CENPW: variants seen among roughly 807,000 people sequenced by gnomAD.
The protein encoded by CENPW is centromere protein W, also known as cancer-up-regulated gene 2 protein.
CENPW carries 3 observed loss-of-function variants against 11.1 expected under a neutral mutation model. That is an observed-to-expected ratio of 0.27 (90% confidence interval 0.12 to 0.70). The LOEUF (loss-of-function observed/expected upper bound fraction) is 0.70, where lower values mean the gene tolerates loss of function less well. CENPW is among the 30% of genes least tolerant of loss of function. The probability of loss-of-function intolerance (pLI) is 0.77; values close to 1 mark genes in which losing one functional copy is unlikely to be tolerated. For missense variants in CENPW, 100 were observed against 105.6 expected, an observed-to-expected ratio of 0.95 and a Z score of 0.23; for synonymous variants, 38 against 42.0, an observed-to-expected ratio of 0.91 and a Z score of 0.37.
At chr6:126,439,719 G>A in the CENPW span, among the ~76,000 whole-genome samples, 3 of 151,456 alleles carry the variant, frequency 2.0e-5, no homozygotes, top group Non-Finnish European at 4.4e-5. Context: ...CCTGCTTTAG[G>A]CCAATGAAGC....
At chr6:126,387,009 T>C in the CENPW span, among the ~76,000 whole-genome samples, 4 of 151,996 alleles carry the variant, frequency 2.6e-5, no homozygotes, top group African/African-American at 9.7e-5. Context: ...TATTTTTAAA[T>C]GACTGAGTGA....
chr6:126,351,575 T>A (rs111265533), downstream of CENPW, among the ~76,000 whole-genome samples: 742 of 152,178 alleles, frequency 4.9e-3, 7 homozygotes, highest in Non-Finnish European at 8.3e-3. Context: ...TTAACTGCAT[T>A]TTTTTCTGGA....
the CENPW span, among the ~76,000 whole-genome samples, chr6:126,360,040 G>C: frequency 6.6e-6 from 1 of 152,134 alleles, no homozygotes; most frequent in Non-Finnish European, 1.5e-5. Context: ...ATGTGCTTAA[G>C]TTTGATTTTG....
At chr6:126,483,049 T>G in the CENPW span, among the ~76,000 whole-genome samples, 1 of 151,970 alleles carries the variant, frequency 6.6e-6, no homozygotes, top group Non-Finnish European at 1.5e-5. Flanking sequence ...CTTGCAATGT[T>G]TCTATATATG....
chr6:126,420,766 T>C, the CENPW span, among the ~76,000 whole-genome samples: 2 of 152,134 alleles, frequency 1.3e-5, no homozygotes, highest in African/African-American at 4.8e-5. Context: ...ATTAAGTGGG[T>C]CCTACAAAGG....
the CENPW span, among the ~76,000 whole-genome samples, chr6:126,457,147 A>C: frequency 1.3e-5 from 2 of 151,266 alleles, no homozygotes; most frequent in Admixed American, 1.3e-4. Flanking sequence ...ATCTCCAAAA[A>C]CTGAAAAAAA....
At chr6:126,374,854 G>C in the CENPW span, among the ~76,000 whole-genome samples, 1 of 152,136 alleles carries the variant, frequency 6.6e-6, no homozygotes, top group Non-Finnish European at 1.5e-5. Context: ...AGCATAAACT[G>C]TTCTAATTTT....
At chr6:126,367,285 T>C in the CENPW span, among the ~76,000 whole-genome samples, 1 of 152,090 alleles carries the variant, frequency 6.6e-6, no homozygotes, top group Admixed American at 6.5e-5. Context: ...AGTGTACCTG[T>C]CACCCAGATA....
chr6:126,404,576 G>T, the CENPW span, among the ~76,000 whole-genome samples: 1 of 152,172 alleles, frequency 6.6e-6, no homozygotes, highest in East Asian at 1.9e-4. Context: ...AGTTTTTTGA[G>T]AAACCTCCAT....
the CENPW span, among the ~76,000 whole-genome samples, chr6:126,392,204 C>T: frequency 2.6e-5 from 4 of 151,692 alleles, no homozygotes; most frequent in Admixed American, 2.0e-4. Flanking sequence ...TAAATTAATT[C>T]CTTGGTATTT....
At chr6:126,441,044 T>TGC in the CENPW span, among the ~76,000 whole-genome samples, 1 of 151,478 alleles carries the variant, frequency 6.6e-6, no homozygotes, top group Non-Finnish European at 1.5e-5. Context: ...CAGAATCCTT[T>TGC]GCAGTATGGC....
the CENPW span, among the ~76,000 whole-genome samples, chr6:126,368,866 C>G: frequency 6.6e-6 from 1 of 152,048 alleles, no homozygotes; most frequent in Non-Finnish European, 1.5e-5. Flanking sequence ...AGGATGGTCT[C>G]AATCTCCTGA....
the CENPW span, among the ~76,000 whole-genome samples, chr6:126,473,647 C>T: frequency 5.9e-5 from 9 of 152,000 alleles, no homozygotes; most frequent in East Asian, 1.9e-4. Flanking sequence ...GCAAGAGATT[C>T]GCTTGAGCTT....
chr6:126,383,284 T>A, the CENPW span, among the ~76,000 whole-genome samples: 2 of 152,128 alleles, frequency 1.3e-5, no homozygotes, highest in East Asian at 1.9e-4. Context: ...GTACTAAATA[T>A]GAAAAGAAAA....
chr6:126,457,419 A>G, the CENPW span, among the ~76,000 whole-genome samples: 1 of 151,520 alleles, frequency 6.6e-6, no homozygotes, highest in Non-Finnish European at 1.5e-5. Flanking sequence ...AGCAACATGA[A>G]TGGAACTGGA....
At chr6:126,352,040 A>C (rs533654883), downstream of CENPW, among the ~76,000 whole-genome samples, 20 of 152,200 alleles carry the variant, frequency 1.3e-4, no homozygotes, top group African/African-American at 4.8e-4. Context: ...GGAGCTGAGA[A>C]TCTGTATTTC....
At chr6:126,426,209 A>T in the CENPW span, among the ~76,000 whole-genome samples, 2 of 152,210 alleles carry the variant, frequency 1.3e-5, no homozygotes, top group African/African-American at 4.8e-5. Context: ...AGCTCTGTTA[A>T]CAGAACCTTA....
At chr6:126,364,015 A>G in the CENPW span, among the ~76,000 whole-genome samples, 1 of 152,204 alleles carries the variant, frequency 6.6e-6, no homozygotes, top group Non-Finnish European at 1.5e-5. Flanking sequence ...GAACCATAAT[A>G]GCACAGAGTT....
the CENPW span, among the ~76,000 whole-genome samples, chr6:126,381,632 G>A: frequency 1.3e-5 from 2 of 152,120 alleles, no homozygotes. Flanking sequence ...CTAGCACCCT[G>A]CCGCCAGCCA....
Sources: allele counts gnomAD v4.1 joint callset (sites outside exome capture counted in the v4.1 genomes callset), GRCh38; gene constraint gnomAD v4.1.1; transcripts MANE v1.5; gene names NCBI Gene and HGNC (gene_info 2026-07-23, HGNC 2026-07-21).